WDR44: variants seen among roughly 807,000 people sequenced by gnomAD.
The protein encoded by WDR44 is WD repeat-containing protein 44.
In WDR44, 9 loss-of-function variants were observed where a neutral mutation model predicts 65.7. The observed-to-expected ratio is 0.14, with a 90% CI of 0.08 to 0.24. The LOEUF is 0.24. Among genes scored for constraint, WDR44 ranks in the 10% least tolerant of loss-of-function variants. The pLI is 1.00. For missense variants in WDR44, 425 were observed against 670.9 expected (o/e 0.63, Z 4.05); for synonymous variants, 220 against 235.2 (o/e 0.94, Z 0.59).
chrX:118,375,681 G>A (rs963101873), intron 1 of WDR44, among the ~76,000 whole-genome samples: 1 of 111,333 alleles, frequency 9.0e-6, no homozygotes, highest in Admixed American at 9.6e-5. Flanking sequence ...AGATAAACAG[G>A]ATTTTGATAC....
intron 6 of WDR44, among the ~76,000 whole-genome samples, chrX:118,396,078 G>A (rs936338960): frequency 1.8e-5 from 2 of 111,199 alleles, no homozygotes; most frequent in Non-Finnish European, 3.8e-5. Flanking sequence ...ATGAATATAT[G>A]TTATACCAAA....
At chrX:118,361,950 A>G (rs2056516024) in intron 1 of WDR44, among the ~76,000 whole-genome samples, 1 of 112,385 alleles carries the variant, frequency 8.9e-6, no homozygotes. Flanking sequence ...TTAGATTCCT[A>G]CTAGTCAGCC....
At chrX:118,442,873 AG>A (rs958660748) in intron 17 of WDR44, among the ~76,000 whole-genome samples, 193 bp downstream of exon 17, 6 of 112,066 alleles carry the variant, frequency 5.4e-5, no homozygotes, top group Admixed American at 3.8e-4. Flanking sequence ...CTGCAAATGA[AG>A]AAACCAAGAC....
chrX:118,355,214 C>T (rs1314676331), intron 1 of WDR44, among the ~76,000 whole-genome samples: 1 of 111,979 alleles, frequency 8.9e-6, no homozygotes, highest in Non-Finnish European at 1.9e-5. Context: ...ACCCCTTTCA[C>T]TGCCAGCTTT....
chrX:118,374,975 G>A (rs969722697), intron 1 of WDR44, among the ~76,000 whole-genome samples: 4 of 111,468 alleles, frequency 3.6e-5, no homozygotes, highest in African/African-American at 9.8e-5. Flanking sequence ...CTGTCTCCTC[G>A]TCTCTCAAAA....
At chrX:118,414,257 CT>C (rs565805780) in intron 12 of WDR44, among the ~76,000 whole-genome samples, 3,562 of 46,565 alleles carry the variant, frequency 0.076, 169 homozygotes, top group East Asian at 0.27. Flanking sequence ...CTTGCGATTG[CT>C]TTTTTTTTTT....
chrX:118,428,309 T>C (rs1467353525), intron 12 of WDR44, among the ~76,000 whole-genome samples: 1 of 109,117 alleles, frequency 9.2e-6, no homozygotes, highest in Non-Finnish European at 1.9e-5. Context: ...ATAATAATAA[T>C]AATGATTATT....
chrX:118,393,519 G>T (rs1275298936), intron 4 of WDR44, among the ~76,000 whole-genome samples: 1 of 110,030 alleles, frequency 9.1e-6, no homozygotes, highest in East Asian at 2.8e-4. Context: ...TTGGGCCTGG[G>T]AGGCAGAGAC....
At chrX:118,366,200 A>T (rs1361343792) in intron 1 of WDR44, among the ~76,000 whole-genome samples, 1 of 112,138 alleles carries the variant, frequency 8.9e-6, no homozygotes, top group African/African-American at 3.2e-5. Context: ...TTTACATTAT[A>T]ATAACGTATA....
At chrX:118,412,763 A>G (rs1467871364) in intron 12 of WDR44, among the ~76,000 whole-genome samples, 1 of 111,438 alleles carries the variant, frequency 9.0e-6, no homozygotes, top group Non-Finnish European at 1.9e-5. Context: ...ATTTGGTTAC[A>G]TAAGTTCTTT....
At chrX:118,380,603 T>G (rs1329970398) in intron 2 of WDR44, among the ~76,000 whole-genome samples, 1 of 112,122 alleles carries the variant, frequency 8.9e-6, no homozygotes, top group Non-Finnish European at 1.9e-5. Flanking sequence ...ATTGAGTGCA[T>G]ATTATGAATA....
intron 12 of WDR44, among the ~76,000 whole-genome samples, chrX:118,424,051 C>T (rs942432674): frequency 8.2e-5 from 9 of 109,626 alleles, no homozygotes; most frequent in Non-Finnish European, 1.1e-4. Context: ...AATAATGCTG[C>T]AGTGAACATG....
At chrX:118,432,442 G>A (rs1196423455) in intron 12 of WDR44, among the ~76,000 whole-genome samples, 1 of 111,675 alleles carries the variant, frequency 9.0e-6, no homozygotes, top group Non-Finnish European at 1.9e-5. Context: ...TCACTGGGAA[G>A]GGAAATCAGC....
chrX:118,378,693 A>G (rs1453061052), intron 2 of WDR44, among the ~76,000 whole-genome samples: 1 of 93,638 alleles, frequency 1.1e-5, no homozygotes, highest in Non-Finnish European at 2.0e-5. Context: ...TGTTTATAAT[A>G]TCTAGAATAA....
intron 2 of WDR44, among the ~76,000 whole-genome samples, chrX:118,385,471 T>C (rs1356139047): frequency 2.7e-5 from 3 of 110,486 alleles, no homozygotes; most frequent in African/African-American, 9.9e-5. Context: ...CATGAACCCA[T>C]AGAGGGGAAC....
intron 1 of WDR44, among the ~76,000 whole-genome samples, chrX:118,358,715 A>C (rs938224331): frequency 9.0e-6 from 1 of 110,872 alleles, no homozygotes; most frequent in African/African-American, 3.3e-5. Flanking sequence ...AACAAACAAA[A>C]AAGAAAAAAC....
chrX:118,387,782 A>G (rs2056784437), intron 3 of WDR44, among the ~76,000 whole-genome samples: 1 of 111,639 alleles, frequency 9.0e-6, no homozygotes, highest in African/African-American at 3.3e-5. Flanking sequence ...AGAAGTCCTT[A>G]CTCTGATAGT....
chrX:118,438,273 A>G (rs6603412), intron 14 of WDR44, among the ~76,000 whole-genome samples: 29,265 of 110,434 alleles, frequency 0.27, 3,185 homozygotes, highest in African/African-American at 0.39. Flanking sequence ...CCTGTTCCCT[A>G]TACACACAAC....
chrX:118,397,122 G>T lies in WDR44; in HGVS notation c.1190+16G>T, dbSNP rs1186798501. 8.9e-7 allele frequency: 1 copy of T among 1,126,097 alleles called. No homozygotes were observed. Among genetic ancestry groups the T allele is most frequent in the African/African-American group, 1.9e-5 (1 of 53,547 alleles). The allele number at this position is 1,126,097 out of a possible 1,213,427, so 92.8% of individuals were successfully genotyped here. A position where few individuals can be genotyped will look rare whatever the true frequency, so the allele number is the denominator to read the frequency against. On this transcript the variant is annotated intron_variant, in intron 7 of 19. Coordinates refer to ENST00000254029, the MANE Select transcript of WDR44 (RefSeq NM_019045.5). ...AATATGTAAGGTATGGCCTAATGTT[G>T]TTATTTGTCATTTCTAGTATTTCAG...
Sources: gnomAD v4.1 joint callset for allele counts (sites outside exome capture counted in the v4.1 genomes callset) on GRCh38, gnomAD v4.1.1 for gene constraint, MANE v1.5 for transcripts, NCBI Gene and HGNC (gene_info 2026-07-23, HGNC 2026-07-21) for gene names.